The following ADGRG4 variants were observed in gnomAD, a reference collection of about 807,000 sequenced individuals.
ADGRG4 encodes the protein G protein-coupled receptor 112.
In ADGRG4, 122 loss-of-function variants were observed where a neutral mutation model predicts 126.2. The observed-to-expected ratio is 0.97, with a 90% CI of 0.83 to 1.12. The LOEUF (loss-of-function observed/expected upper bound fraction) is 1.12. Ranked by LOEUF, ADGRG4 falls within the 50% of genes most tolerant of loss-of-function variation. The pLI, the probability that ADGRG4 is intolerant of heterozygous loss-of-function variation, is 0.00. For missense variants in ADGRG4, 2,481 were observed against 2,251.8 expected (o/e 1.10, Z -2.06); for synonymous variants, 943 against 838.7 (o/e 1.12, Z -2.15).
intron 5 of ADGRG4, among the ~76,000 whole-genome samples, chrX:136,335,126 T>A (rs991937859): frequency 4.5e-5 from 5 of 111,553 alleles, no homozygotes; most frequent in Admixed American, 1.9e-4. Flanking sequence ...AATGCCTTTT[T>A]TGGATCAGTT....
intron 5 of ADGRG4, among the ~76,000 whole-genome samples, chrX:136,340,617 T>C (rs2074973702): frequency 9.0e-6 from 1 of 111,620 alleles, no homozygotes; most frequent in African/African-American, 3.3e-5. Context: ...AAAGAGTCTC[T>C]TTCTTTCTTT....
In ADGRG4 at chrX:136,370,877, G is replaced by A. The variant is rs148671809; in HGVS notation, c.7397-451G>A. ...TAAATTAACTGCTTTTTATTATGAC[G>A]TAGTCCATATTTGCTTTTTTTTTCC... On this transcript the variant is annotated intron_variant, in intron 13 of 25. Coordinates refer to ENST00000394143, the MANE Select transcript of ADGRG4 (RefSeq NM_153834.4). Among the ~76,000 whole-genome samples, 825 of 111,315 alleles carry A rather than the reference G, an allele frequency of 7.4e-3. 10 individuals carry two copies. Among genetic ancestry groups the A allele is most frequent in the African/African-American group, 0.026 (785 of 30,662 alleles).
At chrX:136,397,737 C>A in intron 19 of ADGRG4, 144 bp from the exon 20 acceptor site, 1 of 538,656 alleles carries the variant, frequency 1.9e-6, no homozygotes, top group South Asian at 3.1e-5. Context: ...TCTTACCATA[C>A]ATCCATTCAC....
chrX:136,312,948 A>G (rs183621966), intron 4 of ADGRG4, among the ~76,000 whole-genome samples: 12 of 112,326 alleles, frequency 1.1e-4, no homozygotes, highest in Admixed American at 9.4e-4. Context: ...ACTTTACACA[A>G]TGTTTTCAAG....
chrX:136,387,148 C>T (rs1003108788), intron 15 of ADGRG4, among the ~76,000 whole-genome samples: 1 of 111,594 alleles, frequency 9.0e-6, no homozygotes, highest in African/African-American at 3.3e-5. Context: ...TGCCCCAGCC[C>T]CCATTATTAT....
At position 136,351,551 on chromosome X, in the gene ADGRG4, T is replaced by C. The variant is rs1240103848; in HGVS notation, c.6822+10T>C. 2 of 914,273 alleles carry C rather than the reference T, an allele frequency of 2.2e-6. No individual in the cohort carries two copies. The highest frequency in any genetic ancestry group is 6.4e-5 in the East Asian group (2 of 31,085). The allele number at this position is 914,273 out of a possible 1,213,427, so 75.3% of individuals were successfully genotyped here. The stretch of plus-strand genomic sequence containing the variant: ...ATTTACGGAAAATTCGGTAAAATAA[T>C]CTTTTGCATATTTATGGCATATATA... On this transcript the variant is annotated intron_variant, in intron 7 of 25. Transcript: ENST00000394143.
chrX:136,334,797 A>G, intron 5 of ADGRG4, among the ~76,000 whole-genome samples: 1 of 112,057 alleles, frequency 8.9e-6, no homozygotes, highest in African/African-American at 3.2e-5. Context: ...GAACTCATTT[A>G]TAAGTTCTGG....
chrX:136,345,999 C>T lies in ADGRG4; in HGVS notation c.2293C>T (p.Pro765Ser). ...KLTTLLLKTIPMSTKPANELP... is the reference protein window; with the variant it reads ...KLTTLLLKTISMSTKPANELP... Reference sequence around the variant, plus strand: ...TACCACTTTACTACTAAAAACAATACCTATGTCTACAAAACCTGCAAATGA... The same window carrying T: ...TACCACTTTACTACTAAAAACAATATCTATGTCTACAAAACCTGCAAATGA... The change falls in exon 6 of 26, where the codon CCT becomes TCT. Residue 765 changes from proline (P) to serine (S), a missense_variant. By Grantham distance (74) the Pro-to-Ser change is moderately conservative. Coordinates refer to ENST00000394143, the MANE Select transcript of ADGRG4 (RefSeq NM_153834.4). 8.3e-7 allele frequency: 1 copy of T among 1,205,582 alleles called. No individual in the cohort carries two copies. The highest frequency in any genetic ancestry group is 3.0e-5 in the East Asian group (1 of 33,721).
chrX:136,310,398 C>T, intron 4 of ADGRG4, among the ~76,000 whole-genome samples: 1 of 111,517 alleles, frequency 9.0e-6, no homozygotes, highest in Admixed American at 9.6e-5. Flanking sequence ...ACAAGGTTTT[C>T]CAGACTGTTT....
Position 136,359,413 on chromosome X carries a change from A to T in ADGRG4, c.7102A>T (p.Thr2368Ser), listed in dbSNP as rs1386780372. The T allele has an allele frequency of 8.3e-7, 1 of 1,208,187 alleles. No homozygotes were observed. The highest frequency in any genetic ancestry group is 1.1e-6 in the Non-Finnish European group (1 of 893,934). The change falls in exon 11 of 26, where the codon ACG becomes TCG. Residue 2368 changes from threonine to serine, a missense_variant. By Grantham distance (58) the Thr-to-Ser change is moderately conservative. Coordinates refer to ENST00000394143, the MANE Select transcript of ADGRG4 (RefSeq NM_153834.4). ...TGGAAACTTCACACAAGATCAATTG[A>T]CGTTATTAGTAAACTGTGAACACGT... ...THGNFTQDQL[T>S]LLVNCEHVAV...
chrX:136,405,979 G>A lies in ADGRG4; in HGVS notation c.8935+7G>A, dbSNP rs1417666767. 6.2e-6 allele frequency: 7 copies of A among 1,126,004 alleles called. No homozygotes were observed. The African/African-American group carries it at 1.3e-4, about 21-fold the overall frequency. 92.8% of individuals were successfully genotyped at this position (1,126,004 alleles called of 1,213,427 possible). On this transcript the variant is annotated splice_region_variant and intron_variant, in intron 23 of 25. Transcript: ENST00000394143. ...ATTTTTAACACTTTGCAAGGTAACT[G>A]GTGCTTTTTTGCCTTTTCTGTGGCC...
chrX:136,359,340 T>C lies in ADGRG4; in HGVS notation c.7029T>C (p.Ser2343=). 1 of 1,206,640 alleles carries C rather than the reference T, an allele frequency of 8.3e-7. No individual in the cohort carries two copies. Among genetic ancestry groups the C allele is most frequent in the Non-Finnish European group, 1.1e-6 (1 of 891,354 alleles). ...AAGCCAGCTCTTCCTTAGCATCCTC[T>C]GAATTGATGAGAAAAATCAAAAGTA... ...IIKASSSLAS[S]ELMRKIKSKI... Residue 2343 remains serine, a synonymous_variant, in exon 11 of 26, where the codon TCT becomes TCC. Transcript: ENST00000394143.
At chrX:136,351,083 A>T (rs945693505) in intron 6 of ADGRG4, among the ~76,000 whole-genome samples, 1 of 112,159 alleles carries the variant, frequency 8.9e-6, no homozygotes, top group Non-Finnish European at 1.9e-5. Context: ...ACAGGAAGAA[A>T]AAAACAGTTA....
At chrX:136,379,237 T>C (rs1336997727) in intron 15 of ADGRG4, among the ~76,000 whole-genome samples, 1 of 111,772 alleles carries the variant, frequency 8.9e-6, no homozygotes, top group Non-Finnish European at 1.9e-5. Context: ...AGAGTTTATT[T>C]CATCTAACTT....
At chrX:136,337,441 A>T (rs1171770069) in intron 5 of ADGRG4, among the ~76,000 whole-genome samples, 1 of 112,336 alleles carries the variant, frequency 8.9e-6, no homozygotes, top group Non-Finnish European at 1.9e-5. Flanking sequence ...CTTTAAAAAA[A>T]TTATTTCTGT....
Position 136,349,309 on chromosome X carries a change from C to G in ADGRG4, c.5603C>G (p.Thr1868Arg), listed in dbSNP as rs41309534. 1.5e-5 allele frequency: 18 copies of G among 1,207,110 alleles called. No homozygotes were observed. In the Middle Eastern group the frequency reaches 6.9e-4, roughly 46 times the overall value. The change falls in exon 6 of 26, where the codon ACA becomes AGA. Residue 1868 changes from threonine to arginine, a missense_variant. Thr to Arg is a moderately conservative substitution (Grantham distance 71). Coordinates refer to ENST00000394143, the MANE Select transcript of ADGRG4 (RefSeq NM_153834.4). ...SQMVEFPVLG[T>R]RMTSSNTQPL... ...ATGGTTGAATTTCCAGTTCTGGGAACAAGAATGACATCTAGTAATACCCAA... is the reference window on the plus strand; with the variant it reads ...ATGGTTGAATTTCCAGTTCTGGGAAGAAGAATGACATCTAGTAATACCCAA...
At chrX:136,306,714 C>CTTTT (rs57109734) in intron 3 of ADGRG4, among the ~76,000 whole-genome samples, 1 of 97,852 alleles carries the variant, frequency 1.0e-5, no homozygotes, top group African/African-American at 3.8e-5. Flanking sequence ...TACCTTATTC[C>CTTTT]TTTTTTTTTT....
At position 136,347,403 on chromosome X, in the gene ADGRG4, T is replaced by C. The variant is rs140460718; in HGVS notation, c.3697T>C (p.Ser1233Pro). The change falls in exon 6 of 26, where the codon TCA becomes CCA. Residue 1233 changes from serine to proline, a missense_variant. Physicochemically the swap from Ser to Pro is moderately conservative, Grantham distance 74. Coordinates refer to ENST00000394143, the MANE Select transcript of ADGRG4 (RefSeq NM_153834.4). Reference protein sequence around the residue: ...LTTSVNSHISSSATYRVHTPV... With the variant: ...LTTSVNSHISPSATYRVHTPV... ...TACTTCAGTAAACAGTCACATTTCTTCATCTGCCACATATCGTGTACACAC... is the reference window on the plus strand; with the variant it reads ...TACTTCAGTAAACAGTCACATTTCTCCATCTGCCACATATCGTGTACACAC... 4,964 of 1,209,162 alleles carry C rather than the reference T, an allele frequency of 4.1e-3. 10 individuals carry two copies. The highest frequency in any genetic ancestry group is 5.0e-3 in the Non-Finnish European group (4,459 of 894,450).
Position 136,345,514 on chromosome X carries a change from T to A in ADGRG4, c.1808T>A (p.Ile603Asn), listed in dbSNP as rs141244751. 1 of 1,208,854 alleles carries A rather than the reference T, an allele frequency of 8.3e-7. No individual in the cohort carries two copies. Among genetic ancestry groups the A allele is most frequent in the Non-Finnish European group, 1.1e-6 (1 of 894,563 alleles). The part of the protein sequence containing the change: ...TVAETMLSST[I>N]TGRVYTQNTP... ...GCTGAAACTATGCTTTCCTCCACAA[T>A]CACAGGACGAGTTTACACCCAGAAT... Residue 603 changes from isoleucine to asparagine, a missense_variant, in exon 6 of 26, where the codon ATC becomes AAC. By Grantham distance (149) the Ile-to-Asn change is moderately radical. Coordinates refer to ENST00000394143, the MANE Select transcript of ADGRG4 (RefSeq NM_153834.4).
Sources: allele counts gnomAD v4.1 joint callset (sites outside exome capture counted in the v4.1 genomes callset), GRCh38; gene constraint gnomAD v4.1.1; transcripts MANE v1.5; gene names NCBI Gene and HGNC (gene_info 2026-07-23, HGNC 2026-07-21).